Variants in NAALADL2 observed in about 807,000 individuals in gnomAD.
NAALADL2 encodes the protein inactive N-acetylated-alpha-linked acidic dipeptidase-like protein 2.
Under a neutral mutation model 87.2 loss-of-function variants are expected in NAALADL2, and 76 were observed. The observed-to-expected ratio is 0.87, with a 90% CI of 0.72 to 1.05. The LOEUF (loss-of-function observed/expected upper bound fraction) is 1.05. Ranked by LOEUF, NAALADL2 falls within the 50% of genes least tolerant of loss-of-function variation. The pLI is 0.00. For synonymous variants in NAALADL2, 354 were observed against 331.0 expected (o/e 1.07, Z -0.75); for missense variants, 1,089 against 945.8 (o/e 1.15, Z -1.99).
chr3:175,796,229 A>G (rs1753479863), intron 13 of NAALADL2, among the ~76,000 whole-genome samples: 1 of 152,120 alleles, frequency 6.6e-6, no homozygotes, highest in African/African-American at 2.4e-5. Flanking sequence ...TGGGCTTTCT[A>G]CATATGCTAT....
At chr3:174,914,666 T>G (rs1485568972) in intron 1 of NAALADL2, among the ~76,000 whole-genome samples, 1 of 152,152 alleles carries the variant, frequency 6.6e-6, no homozygotes, top group African/African-American at 2.4e-5. Context: ...CAGACATTTA[T>G]TTAGAAAGGA....
At chr3:175,577,210 A>C (rs2149560821) in intron 10 of NAALADL2, among the ~76,000 whole-genome samples, 1 of 152,294 alleles carries the variant, frequency 6.6e-6, no homozygotes, top group Non-Finnish European at 1.5e-5. Context: ...ACATCTTTCA[A>C]AATGATTTTA....
intron 11 of NAALADL2, among the ~76,000 whole-genome samples, chr3:175,636,711 A>G (rs866674071): frequency 3.3e-5 from 5 of 150,216 alleles, no homozygotes; most frequent in East Asian, 1.9e-4. Flanking sequence ...AAAAAAAAAA[A>G]AAAGAAAAAA....
At chr3:174,673,352 G>A (rs1324238113) in intron 2 of NAALADL2, among the ~76,000 whole-genome samples, 1 of 151,916 alleles carries the variant, frequency 6.6e-6, no homozygotes, top group African/African-American at 2.4e-5. Flanking sequence ...TGTATTTTAG[G>A]CTGTGAGAAT....
At chr3:174,813,666 T>C (rs1434980034) in intron 3 of NAALADL2, among the ~76,000 whole-genome samples, 1 of 152,200 alleles carries the variant, frequency 6.6e-6, no homozygotes, top group Non-Finnish European at 1.5e-5. Context: ...TGTTTTATTT[T>C]TTTCATAGAC....
At chr3:175,601,492 T>C (rs990770959) in intron 10 of NAALADL2, among the ~76,000 whole-genome samples, 4 of 152,186 alleles carry the variant, frequency 2.6e-5, no homozygotes, top group Admixed American at 6.5e-5. Flanking sequence ...GCACAGGATA[T>C]CTGGCGATAT....
At chr3:175,365,663 T>C (rs1286399832) in intron 5 of NAALADL2, among the ~76,000 whole-genome samples, 1 of 147,106 alleles carries the variant, frequency 6.8e-6, no homozygotes, top group Admixed American at 7.0e-5. Flanking sequence ...GTGTGTACTT[T>C]TGAGTGTGAT....
At chr3:175,146,007 T>C (rs540887457) in intron 2 of NAALADL2, among the ~76,000 whole-genome samples, 133 of 152,270 alleles carry the variant, frequency 8.7e-4, no homozygotes, top group Middle Eastern at 3.4e-3. Context: ...ATTAATGTAA[T>C]TCTCAGTTTC....
rs1560318957 is a variant in NAALADL2, at chr3:174,882,662, CATATACACATAT to C, written c.43+23213_43+23224del. Among the ~76,000 whole-genome samples the C allele has an allele frequency of 7.9e-3, 903 of 114,528 alleles. 3 individuals carry two copies. Among genetic ancestry groups the C allele is most frequent in the Non-Finnish European group, 0.013 (688 of 54,098 alleles). 75.1% of individuals were successfully genotyped at this position (114,528 alleles called of 152,430 possible). On this transcript the variant is annotated intron_variant, in intron 1 of 13. Transcript: ENST00000454872. ...ACATATGTGCATATACACATATGTGCATATACACATATGTGTATATGTGTATCCGTGTATATA... is the reference window on the plus strand; with the variant it reads ...ACATATGTGCATATACACATATGTGCGTGTATATGTGTATCCGTGTATATA...
intron 1 of NAALADL2, among the ~76,000 whole-genome samples, chr3:175,038,410 G>C (rs1014472119): frequency 6.6e-6 from 1 of 152,114 alleles, no homozygotes; most frequent in Non-Finnish European, 1.5e-5. Flanking sequence ...ACAAGATTAT[G>C]ACCAACATAC....
At chr3:175,272,421 G>A (rs1218372122) in intron 4 of NAALADL2, among the ~76,000 whole-genome samples, 1 of 129,890 alleles carries the variant, frequency 7.7e-6, no homozygotes, top group Non-Finnish European at 1.7e-5. Flanking sequence ...TAGGTCTCAA[G>A]GAATCTTTGT....
intron 11 of NAALADL2, among the ~76,000 whole-genome samples, chr3:175,727,053 T>C (rs6443317): frequency 0.24 from 36,697 of 152,074 alleles, 4,691 homozygotes; most frequent in Middle Eastern, 0.33. Flanking sequence ...AGTGGAGACA[T>C]GCCTTGTTTA....
intron 6 of NAALADL2, among the ~76,000 whole-genome samples, chr3:175,452,547 C>T (rs79339126): frequency 0.056 from 8,540 of 152,118 alleles, 285 homozygotes; most frequent in South Asian, 0.12. Context: ...GTGCAGATAG[C>T]TTCCATATAG....
intron 2 of NAALADL2, among the ~76,000 whole-genome samples, chr3:174,637,245 G>C (rs1243523193): frequency 1.3e-5 from 2 of 152,066 alleles, no homozygotes; most frequent in South Asian, 2.1e-4. Flanking sequence ...GAAGGTATAA[G>C]TTCTAATGTT....
At chr3:175,780,510 G>T (rs894820635) in intron 13 of NAALADL2, among the ~76,000 whole-genome samples, 1 of 151,912 alleles carries the variant, frequency 6.6e-6, no homozygotes, top group African/African-American at 2.4e-5. Context: ...AAAAGAAACG[G>T]TTCCAAAATA....
chr3:175,335,707 T>C (rs1761903650), intron 5 of NAALADL2, among the ~76,000 whole-genome samples: 1 of 152,216 alleles, frequency 6.6e-6, no homozygotes, highest in South Asian at 2.1e-4. Flanking sequence ...CAATTTCATT[T>C]GAGAGATGTG....
At chr3:175,125,485 T>C (rs530940254) in intron 2 of NAALADL2, among the ~76,000 whole-genome samples, 3 of 152,014 alleles carry the variant, frequency 2.0e-5, no homozygotes, top group African/African-American at 4.8e-5. Flanking sequence ...ATGGTATAAA[T>C]AGGGGTGGTG....
intron 1 of NAALADL2, among the ~76,000 whole-genome samples, chr3:175,071,789 A>AC (rs1715692429): frequency 6.6e-6 from 1 of 152,018 alleles, no homozygotes; most frequent in Admixed American, 6.6e-5. Flanking sequence ...GGATATTAAA[A>AC]AAATTGTAGC....
intron 5 of NAALADL2, among the ~76,000 whole-genome samples, chr3:175,415,527 T>C (rs1162226740): frequency 1.3e-5 from 2 of 151,630 alleles, no homozygotes; most frequent in African/African-American, 2.4e-5. Flanking sequence ...TGTGAGAAAA[T>C]AAATAACGCA....
Sources: gnomAD v4.1 joint callset for allele counts (sites outside exome capture counted in the v4.1 genomes callset) on GRCh38, gnomAD v4.1.1 for gene constraint, MANE v1.5 for transcripts, NCBI Gene and HGNC (gene_info 2026-07-23, HGNC 2026-07-21) for gene names.